The following TMEM74 variants were observed in gnomAD, a reference collection of about 807,000 sequenced individuals.
TMEM74 encodes the protein transmembrane protein 74.
In TMEM74, 13 loss-of-function variants were observed where a neutral mutation model predicts 18.1. That is an observed-to-expected ratio of 0.72 (90% CI 0.47 to 1.14). The LOEUF (loss-of-function observed/expected upper bound fraction) is 1.14. TMEM74 is among the 50% of genes most tolerant of loss of function. TMEM74 has a pLI of 0.00. For missense variants in TMEM74, 372 were observed against 375.9 expected (o/e 0.99, Z 0.09); for synonymous variants, 159 against 146.6 (o/e 1.08, Z -0.61).
At chr8:108,734,368 T>A (rs1227847497) in intron 1 of TMEM74, among the ~76,000 whole-genome samples, 1 of 152,078 alleles carries the variant, frequency 6.6e-6, no homozygotes, top group Non-Finnish European at 1.5e-5. Flanking sequence ...ACTTCTAAGC[T>A]TCCATAATCA....
At chr8:108,768,464 T>C (rs1814134477) in intron 1 of TMEM74, among the ~76,000 whole-genome samples, 1 of 152,184 alleles carries the variant, frequency 6.6e-6, no homozygotes, top group Non-Finnish European at 1.5e-5. Flanking sequence ...ATTATGCTAC[T>C]TTCATTTTAA....
chr8:108,708,491 T>C (rs1033695056), intron 1 of TMEM74, among the ~76,000 whole-genome samples: 5 of 152,106 alleles, frequency 3.3e-5, no homozygotes, highest in Non-Finnish European at 7.4e-5. Context: ...AACTAACTTA[T>C]ACTACCACCC....
intron 1 of TMEM74, among the ~76,000 whole-genome samples, chr8:108,701,828 C>T (rs1235335858): frequency 1.3e-5 from 2 of 151,988 alleles, no homozygotes; most frequent in East Asian, 1.9e-4. Flanking sequence ...GTCTTTTCTC[C>T]CCAAATTGAT....
rs1006247979 is a variant in TMEM74, at chr8:108,780,637, G to T, written c.*3544C>A. Among the ~76,000 whole-genome samples, 1 of 152,132 alleles carries T rather than the reference G, an allele frequency of 6.6e-6. No individual in the cohort carries two copies. The highest frequency in any genetic ancestry group is 2.4e-5 in the African/African-American group (1 of 41,434). On this transcript the variant is annotated 3_prime_UTR_variant, in exon 2 of 2. Coordinates refer to ENST00000297459, the MANE Select transcript of TMEM74 (RefSeq NM_153015.3). ...TAAAACAAATAAGTATGAGGGGGAT[G>T]AACTCATATTTTAAGCAGACAGCAA...
chr8:108,704,081 T>A (rs1454721291), intron 1 of TMEM74, among the ~76,000 whole-genome samples: 3 of 152,208 alleles, frequency 2.0e-5, no homozygotes, highest in Non-Finnish European at 4.4e-5. Flanking sequence ...AGACTTTAGT[T>A]AAGTCTCATT....
intron 1 of TMEM74, among the ~76,000 whole-genome samples, chr8:108,674,067 G>C (rs1813030250): frequency 6.6e-6 from 1 of 152,106 alleles, no homozygotes; most frequent in South Asian, 2.1e-4. Context: ...ACTGATGCCT[G>C]GAGTTGACAA....
chr8:108,703,734 G>A (rs535195164), intron 1 of TMEM74, among the ~76,000 whole-genome samples: 14 of 152,214 alleles, frequency 9.2e-5, no homozygotes, highest in African/African-American at 3.1e-4. Flanking sequence ...CAGCATCTGC[G>A]GTCAATGGCA....
chr8:108,689,056 G>A (rs772486192), intron 1 of TMEM74, among the ~76,000 whole-genome samples: 7 of 152,142 alleles, frequency 4.6e-5, no homozygotes, highest in Admixed American at 1.3e-4. Context: ...TTTGACAAAG[G>A]TGCCCACTTA....
chr8:108,706,428 T>C (rs1186139938), intron 1 of TMEM74, among the ~76,000 whole-genome samples: 1 of 152,050 alleles, frequency 6.6e-6, no homozygotes, highest in Non-Finnish European at 1.5e-5. Context: ...CCTGGAATGC[T>C]CTTCCCTGCA....
intron 1 of TMEM74, among the ~76,000 whole-genome samples, chr8:108,657,885 T>TATATATATTAATTAC (rs1554630314): frequency 3.8e-4 from 43 of 114,104 alleles, no homozygotes; most frequent in African/African-American, 1.5e-3. Flanking sequence ...TATATATATA[T>TATATATATTAATTAC]ATATATATAT....
intron 1 of TMEM74, among the ~76,000 whole-genome samples, chr8:108,729,542 C>T (rs1317172988): frequency 6.6e-6 from 1 of 152,166 alleles, no homozygotes. Flanking sequence ...TACATTTTGC[C>T]TATCAGAATA....
At chr8:108,734,114 G>A (rs1325315020) in intron 1 of TMEM74, among the ~76,000 whole-genome samples, 2 of 152,130 alleles carry the variant, frequency 1.3e-5, no homozygotes, top group Non-Finnish European at 2.9e-5. Flanking sequence ...AGATCTGCCC[G>A]CAATGTAGGT....
At chr8:108,642,378 C>A (rs1012631330) in intron 2 of TMEM74, among the ~76,000 whole-genome samples, 1 of 136,138 alleles carries the variant, frequency 7.3e-6, no homozygotes, top group Non-Finnish European at 1.5e-5. Flanking sequence ...CACCACAGAG[C>A]GAGACTCCAT....
intron 1 of TMEM74, among the ~76,000 whole-genome samples, chr8:108,680,729 C>T (rs1438843109): frequency 1.3e-5 from 2 of 152,094 alleles, no homozygotes; most frequent in African/African-American, 4.8e-5. Context: ...TCAAATTGTC[C>T]CTGTTTGCAG....
chr8:108,702,441 G>T (rs1317409687), intron 1 of TMEM74, among the ~76,000 whole-genome samples: 2 of 151,356 alleles, frequency 1.3e-5, no homozygotes, highest in Non-Finnish European at 1.5e-5. Flanking sequence ...AAAAAATGCA[G>T]CAGCAAAGGT....
Position 108,780,998 on chromosome 8 carries a change from A to G in TMEM74, c.*3183T>C, listed in dbSNP as rs1291610142. Among the ~76,000 whole-genome samples, 1 of 152,114 alleles carries G rather than the reference A, an allele frequency of 6.6e-6. No homozygotes were observed. The highest frequency in any genetic ancestry group is 1.5e-5 in the Non-Finnish European group (1 of 68,006). ...CTTATAAAGATATTAGGAGCCTTAA[A>G]TCATCCACCAGCAGCGTGTAGATCC... On this transcript the variant is annotated 3_prime_UTR_variant, in exon 2 of 2. Coordinates refer to ENST00000297459, the MANE Select transcript of TMEM74 (RefSeq NM_153015.3).
At chr8:108,699,469 C>A (rs183875717) in intron 1 of TMEM74, among the ~76,000 whole-genome samples, 2 of 152,056 alleles carry the variant, frequency 1.3e-5, no homozygotes, top group South Asian at 2.1e-4. Flanking sequence ...GTTCTCAAAA[C>A]AAGCAAACAA....
At chr8:108,608,386 G>A (rs931617743) in intron 3 of TMEM74, among the ~76,000 whole-genome samples, 1 of 151,804 alleles carries the variant, frequency 6.6e-6, no homozygotes, top group African/African-American at 2.4e-5. Flanking sequence ...TTGACTCACT[G>A]GATCTTATTC....
At chr8:108,730,634 C>CTTTTT (rs1199122765) in intron 1 of TMEM74, among the ~76,000 whole-genome samples, 1,734 of 132,138 alleles carry the variant, frequency 0.013, 54 homozygotes, top group African/African-American at 0.03. Context: ...TGCAGACTTC[C>CTTTTT]TTTTTTTTTT....
Sources: allele counts gnomAD v4.1 joint callset (sites outside exome capture counted in the v4.1 genomes callset), GRCh38; gene constraint gnomAD v4.1.1; transcripts MANE v1.5; gene names NCBI Gene and HGNC (gene_info 2026-07-23, HGNC 2026-07-21).